VAT1L: variants seen among roughly 807,000 people sequenced by gnomAD.
The protein encoded by VAT1L is putative NADPH-dependent quinone oxidoreductase VAT1L.
A neutral mutation model predicts 44.1 loss-of-function variants in VAT1L; 34 were observed. The ratio of observed to expected loss-of-function variants is 0.77; its 90% CI spans 0.59 to 1.03. VAT1L has a LOEUF of 1.03. VAT1L is among the 50% of genes least tolerant of loss of function. The pLI is 0.00. For missense variants in VAT1L, 615 were observed against 538.8 expected, an observed-to-expected ratio of 1.14 and a Z score of -1.40; for synonymous variants, 253 against 202.2, an observed-to-expected ratio of 1.25 and a Z score of -2.13.
rs867919408 is a variant in VAT1L at position 77,976,279 on chromosome 16, T to A, written c.1162-1318T>A. ...CTTGATCAGTGCTACAAAGAAGAGG[T>A]ATTTGGGCCATGAAAGCTCATAATA... is the stretch of plus-strand genomic sequence containing the variant. On this transcript the variant is annotated intron_variant, in intron 8 of 8. Transcript: ENST00000302536. Among the ~76,000 whole-genome samples the A allele has an allele frequency of 5.3e-5, 8 of 152,176 alleles. No homozygotes were observed. The South Asian group carries it at 1.0e-3, about 20-fold the overall frequency.
At chr16:77,903,836 A>G (rs1597091449) in intron 7 of VAT1L, among the ~76,000 whole-genome samples, 1 of 148,604 alleles carries the variant, frequency 6.7e-6, no homozygotes. Context: ...TCCTGGGTTC[A>G]TGCCATTCTC....
At chr16:77,913,243 T>C (rs780888242) in intron 7 of VAT1L, among the ~76,000 whole-genome samples, 1 of 152,246 alleles carries the variant, frequency 6.6e-6, no homozygotes, top group African/African-American at 2.4e-5. Flanking sequence ...AATTTTTAAG[T>C]GTATAGCACA....
intron 3 of VAT1L, among the ~76,000 whole-genome samples, chr16:77,853,128 C>A (rs1181075772): frequency 6.6e-6 from 1 of 152,210 alleles, no homozygotes; most frequent in East Asian, 1.9e-4. Context: ...TCTTCCCAGT[C>A]ACTTGCTGGA....
Position 77,884,590 on chromosome 16 carries a change from T to A in VAT1L, c.883-18T>A. 1 of 1,609,828 alleles carries A rather than the reference T, an allele frequency of 6.2e-7. No individual in the cohort carries two copies. The highest frequency in any genetic ancestry group is 8.5e-7 in the Non-Finnish European group (1 of 1,178,338). Reference sequence around the variant, plus strand: ...CCGGTATTGAGTTCCTATAACCCAATACCACCTCTCTTTGCAGTGGTGGCA... The same window carrying A: ...CCGGTATTGAGTTCCTATAACCCAAAACCACCTCTCTTTGCAGTGGTGGCA... On this transcript the variant is annotated intron_variant, in intron 6 of 8. Coordinates refer to ENST00000302536, the MANE Select transcript of VAT1L (RefSeq NM_020927.3). This position sits in a 1 kb window ranked among gnomAD's most constrained non-coding sequence, Gnocchi z 4.5.
At chr16:77,904,388 G>A (rs6564483) in intron 7 of VAT1L, among the ~76,000 whole-genome samples, 118,134 of 152,040 alleles carry the variant, frequency 0.78, 46,213 homozygotes, top group South Asian at 0.9. Flanking sequence ...AAACAATAGA[G>A]ATTTGCTTCT....
chr16:77,841,963 T>C (rs1024056626), intron 3 of VAT1L, among the ~76,000 whole-genome samples: 2 of 151,936 alleles, frequency 1.3e-5, no homozygotes, highest in African/African-American at 2.4e-5. Context: ...TCTTGGCTCA[T>C]GGCAAGCTCC....
At chr16:77,926,257 TAAA>T (rs34182080) in intron 7 of VAT1L, among the ~76,000 whole-genome samples, 71 of 112,776 alleles carry the variant, frequency 6.3e-4, no homozygotes, top group African/African-American at 5.8e-4. Context: ...CGTCTCAAAG[TAAA>T]AAAAAAAAAA....
intron 7 of VAT1L, among the ~76,000 whole-genome samples, chr16:77,909,907 G>A (rs1038855069): frequency 6.6e-6 from 1 of 152,076 alleles, no homozygotes; most frequent in African/African-American, 2.4e-5. Flanking sequence ...CTCCCTTCTT[G>A]CCTCGTAAGA....
At chr16:77,848,201 A>G (rs115086025) in intron 3 of VAT1L, among the ~76,000 whole-genome samples, 43 of 152,320 alleles carry the variant, frequency 2.8e-4, no homozygotes, top group African/African-American at 1.0e-3. Context: ...ACCTTCTAAC[A>G]ATCAGAGGTG....
chr16:77,974,622 G>A (rs1275945352), intron 8 of VAT1L, among the ~76,000 whole-genome samples: 1 of 152,158 alleles, frequency 6.6e-6, no homozygotes, highest in Admixed American at 6.5e-5. Context: ...GAGGGCAATG[G>A]CACAATCTCG....
chr16:77,817,027 G>A lies in VAT1L; in HGVS notation c.340G>A (p.Gly114Arg). 1 of 1,613,992 alleles carries A rather than the reference G, an allele frequency of 6.2e-7. No individual in the cohort carries two copies. Among genetic ancestry groups the A allele is most frequent in the Non-Finnish European group, 8.5e-7 (1 of 1,179,924 alleles). The change falls in exon 2 of 9, where the codon GGG becomes AGG. Residue 114 changes from glycine to arginine, a missense_variant. By Grantham distance (125) the Gly-to-Arg change is moderately radical (BLOSUM62 -2). Coordinates refer to ENST00000302536, the MANE Select transcript of VAT1L (RefSeq NM_020927.3). Reference sequence around the variant, plus strand: ...GTGTTCTGGGATTGTTGAAGCTCTGGGGGACAGCGTGAAAGGATATGAGGT... The same window carrying A: ...GTGTTCTGGGATTGTTGAAGCTCTGAGGGACAGCGTGAAAGGATATGAGGT... ...FECSGIVEALGDSVKGYEIGD... is the reference protein window; with the variant it reads ...FECSGIVEALRDSVKGYEIGD...
chr16:77,892,832 A>G (rs1195309343), intron 7 of VAT1L: 2 of 858,662 alleles, frequency 2.3e-6, no homozygotes, highest in Admixed American at 1.7e-5. Flanking sequence ...AGGCATGAAT[A>G]TTGTGGAGGC....
intron 7 of VAT1L, among the ~76,000 whole-genome samples, chr16:77,962,869 C>G (rs1406140889): frequency 2.0e-5 from 3 of 152,044 alleles, no homozygotes; most frequent in Non-Finnish European, 4.4e-5. Context: ...TTGCTTAAGC[C>G]TGGGAGGTAG....
intron 3 of VAT1L, among the ~76,000 whole-genome samples, chr16:77,838,623 T>C (rs1002889135): frequency 3.2e-4 from 49 of 152,062 alleles, no homozygotes; most frequent in African/African-American, 1.1e-3. Context: ...AACAAACTGA[T>C]CTATACTTCC....
intron 7 of VAT1L, among the ~76,000 whole-genome samples, chr16:77,924,537 T>G (rs2017645730): frequency 6.6e-6 from 1 of 152,160 alleles, no homozygotes; most frequent in Non-Finnish European, 1.5e-5. Context: ...CTCGGCTCAC[T>G]GCAACCTCCG....
At chr16:77,825,862 A>AAT (rs984172235) in intron 3 of VAT1L, among the ~76,000 whole-genome samples, 13 of 149,992 alleles carry the variant, frequency 8.7e-5, no homozygotes, top group East Asian at 7.9e-4. Context: ...TAAAAATAAA[A>AAT]AAAAAAAAAA....
At chr16:77,905,726 C>T (rs2017429994) in intron 7 of VAT1L, among the ~76,000 whole-genome samples, 1 of 152,142 alleles carries the variant, frequency 6.6e-6, no homozygotes, top group African/African-American at 2.4e-5. Flanking sequence ...AAATATGACT[C>T]ACTGTCTCTG....
At chr16:77,811,253 C>G (rs1368115284) in intron 1 of VAT1L, among the ~76,000 whole-genome samples, 1 of 152,186 alleles carries the variant, frequency 6.6e-6, no homozygotes, top group African/African-American at 2.4e-5. Flanking sequence ...GACAAGGGAG[C>G]ATCTCCATGC....
At chr16:77,948,223 C>G (rs1411072086) in intron 7 of VAT1L, among the ~76,000 whole-genome samples, 1 of 152,190 alleles carries the variant, frequency 6.6e-6, no homozygotes, top group Admixed American at 6.5e-5. Context: ...CTCCTGGCTT[C>G]AAGGGCAGAG....
Sources: allele counts gnomAD v4.1 joint callset (sites outside exome capture counted in the v4.1 genomes callset), GRCh38; gene constraint gnomAD v4.1.1; non-coding constraint Gnocchi (gnomAD v3.1); transcripts MANE v1.5; gene names NCBI Gene and HGNC (gene_info 2026-07-23, HGNC 2026-07-21).